Variants in TBCA observed in about 807,000 individuals in gnomAD.
TBCA encodes the protein tubulin-specific chaperone A.
Under a neutral mutation model 15.8 loss-of-function variants are expected in TBCA, and 6 were observed. The ratio of observed to expected loss-of-function variants is 0.38; its 90% confidence interval spans 0.21 to 0.75. The LOEUF is 0.75. Among genes scored for constraint, TBCA ranks in the 30% least tolerant of loss-of-function variants. The pLI, the probability that TBCA is intolerant of heterozygous loss-of-function variation, is 0.46. For synonymous variants in TBCA, 32 were observed against 42.3 expected (o/e 0.76, Z 0.94); for missense variants, 90 against 131.2 (o/e 0.69, Z 1.53).
At chr5:77,731,286 C>T (rs1002673716) in intron 1 of TBCA, among the ~76,000 whole-genome samples, 1 of 152,110 alleles carries the variant, frequency 6.6e-6, no homozygotes, top group Non-Finnish European at 1.5e-5. Context: ...TGATGAGGTA[C>T]AATATAGTTA....
intron 1 of TBCA, among the ~76,000 whole-genome samples, chr5:77,761,441 G>T (rs1395384940): frequency 6.6e-6 from 1 of 152,018 alleles, no homozygotes; most frequent in Non-Finnish European, 1.5e-5. Flanking sequence ...AAGGCAGCAT[G>T]CTCCTTAAGA....
chr5:77,723,269 T>C (rs1158768920), intron 1 of TBCA, among the ~76,000 whole-genome samples: 1 of 151,456 alleles, frequency 6.6e-6, no homozygotes, highest in African/African-American at 2.4e-5. Context: ...AGTATTACAA[T>C]TTTTTTTTAA....
intron 1 of TBCA, among the ~76,000 whole-genome samples, chr5:77,733,607 A>G (rs939344797): frequency 1.3e-5 from 2 of 152,236 alleles, no homozygotes; most frequent in Non-Finnish European, 2.9e-5. Context: ...AGGGAGCTGC[A>G]TAAGAAAAGC....
intron 1 of TBCA, among the ~76,000 whole-genome samples, chr5:77,724,042 A>G (rs1746579475): frequency 6.6e-6 from 1 of 152,074 alleles, no homozygotes; most frequent in Admixed American, 6.5e-5. Context: ...TTACAAAGGT[A>G]CAACTTGTTT....
At chr5:77,710,014 T>C (rs1293328726) in intron 1 of TBCA, among the ~76,000 whole-genome samples, 1 of 152,082 alleles carries the variant, frequency 6.6e-6, no homozygotes, top group Non-Finnish European at 1.5e-5. Context: ...AACAGGGGAA[T>C]TGGAAAGGTG....
chr5:77,698,261 G>A lies in TBCA; in HGVS notation c.160-4909C>T, dbSNP rs1262500587. ...TCACCAAAAGCAGTCCGAAATAGAGGATATCATTACGGATCCTGCAATTAT... is the reference window on the plus strand; with the variant it reads ...TCACCAAAAGCAGTCCGAAATAGAGAATATCATTACGGATCCTGCAATTAT... On this transcript the variant is annotated intron_variant, in intron 2 of 3. Coordinates refer to ENST00000380377, the MANE Select transcript of TBCA (RefSeq NM_004607.3). Among the ~76,000 whole-genome samples the A allele has an allele frequency of 2.7e-5, 4 of 150,854 alleles. No homozygotes were observed. The East Asian group carries it at 7.7e-4, about 29-fold the overall frequency.
At chr5:77,723,484 T>A (rs939535213) in intron 1 of TBCA, among the ~76,000 whole-genome samples, 1 of 151,978 alleles carries the variant, frequency 6.6e-6, no homozygotes. Flanking sequence ...ATGGGTAGCA[T>A]TTTTATTATG....
chr5:77,755,992 C>G (rs138655034), intron 1 of TBCA, among the ~76,000 whole-genome samples: 135 of 152,020 alleles, frequency 8.9e-4, no homozygotes, highest in Non-Finnish European at 1.6e-3. Context: ...TCAACAAGAG[C>G]GAAACTTTAT....
At chr5:77,750,291 G>T (rs1747293485) in intron 1 of TBCA, among the ~76,000 whole-genome samples, 1 of 151,848 alleles carries the variant, frequency 6.6e-6, no homozygotes, top group African/African-American at 2.4e-5. Context: ...ATTTTAAAGG[G>T]ACATAAGGAG....
rs1270638413 is a variant in TBCA at position 77,746,526 on chromosome 5, A to G, written c.53+29679T>C. 2.0e-5 allele frequency among the ~76,000 whole-genome samples: 3 copies of G among 152,174 alleles called. No individual in the cohort carries two copies. In the East Asian group the frequency reaches 5.8e-4, roughly 29 times the overall value. ...TGCCCCAATACTACCTTGAATCACT[A>G]ACTTTTAGCAATAAACTCAATTCCT... On this transcript the variant is annotated intron_variant, in intron 1 of 3. Coordinates refer to ENST00000380377, the MANE Select transcript of TBCA (RefSeq NM_004607.3).
intron 1 of TBCA, among the ~76,000 whole-genome samples, chr5:77,766,959 C>T (rs1345631374): frequency 6.6e-6 from 1 of 152,172 alleles, no homozygotes; most frequent in Non-Finnish European, 1.5e-5. Flanking sequence ...ATATATCAGA[C>T]ACCATCCCTT....
intron 1 of TBCA, among the ~76,000 whole-genome samples, chr5:77,761,648 A>C (rs1747643794): frequency 6.6e-6 from 1 of 152,192 alleles, no homozygotes. Flanking sequence ...CTTAAAAAAA[A>C]AAATACTCTA....
At chr5:77,708,739 T>C (rs778809978) in intron 1 of TBCA, 45 of 153,178 alleles carry the variant, frequency 2.9e-4, no homozygotes, top group Non-Finnish European at 5.2e-4. Flanking sequence ...CCGGCTAATA[T>C]TTTGTATTTT....
chr5:77,743,393 T>C (rs1174465881), intron 1 of TBCA, among the ~76,000 whole-genome samples: 1 of 152,198 alleles, frequency 6.6e-6, no homozygotes, highest in South Asian at 2.1e-4. Flanking sequence ...TGGGCAAATA[T>C]CCATGAGAAC....
At chr5:77,763,707 A>G (rs1321966003) in intron 1 of TBCA, among the ~76,000 whole-genome samples, 2 of 152,172 alleles carry the variant, frequency 1.3e-5, no homozygotes, top group South Asian at 2.1e-4. Context: ...CCCTCACCAG[A>G]ATGTGACCAT....
intron 1 of TBCA, among the ~76,000 whole-genome samples, chr5:77,735,893 T>C (rs1746890896): frequency 6.6e-6 from 1 of 152,198 alleles, no homozygotes; most frequent in Non-Finnish European, 1.5e-5. Flanking sequence ...AAACAAATTT[T>C]GCAATAAAAC....
chr5:77,758,273 G>GGCC (rs1386857295), intron 1 of TBCA, among the ~76,000 whole-genome samples: 3 of 152,112 alleles, frequency 2.0e-5, no homozygotes, highest in Admixed American at 6.5e-5. Flanking sequence ...CCCAAAACCA[G>GGCC]GCCTGGGCCT....
intron 1 of TBCA, among the ~76,000 whole-genome samples, chr5:77,758,986 G>A (rs1033315508): frequency 8.5e-5 from 13 of 152,286 alleles, no homozygotes; most frequent in African/African-American, 2.6e-4. Flanking sequence ...GGCACCAACT[G>A]CCGATTATCA....
At chr5:77,754,048 C>T (rs1747418935) in intron 1 of TBCA, among the ~76,000 whole-genome samples, 1 of 152,022 alleles carries the variant, frequency 6.6e-6, no homozygotes. Context: ...GAGCCACTGC[C>T]CCCAGCCAGT....
Sources: allele counts gnomAD v4.1 joint callset (sites outside exome capture counted in the v4.1 genomes callset), GRCh38; gene constraint gnomAD v4.1.1; transcripts MANE v1.5; gene names NCBI Gene and HGNC (gene_info 2026-07-23, HGNC 2026-07-21).